Variants in KHDRBS2 observed in about 807,000 individuals in gnomAD.
KHDRBS2 encodes the protein KH RNA binding domain containing, signal transduction associated 2.
In KHDRBS2, 26 loss-of-function variants were observed where a neutral mutation model predicts 44.3. The observed-to-expected ratio is 0.59, with a 90% confidence interval of 0.43 to 0.81. The LOEUF is 0.81. KHDRBS2 is among the 40% of genes least tolerant of loss of function. The pLI is 0.00. For synonymous variants in KHDRBS2, 194 were observed against 151.1 expected, an observed-to-expected ratio of 1.28 and a Z score of -2.08; for missense variants, 476 against 433.1, an observed-to-expected ratio of 1.10 and a Z score of -0.88.
At chr6:61,925,014 T>C (rs1311908269) in intron 4 of KHDRBS2, among the ~76,000 whole-genome samples, 1 of 152,176 alleles carries the variant, frequency 6.6e-6, no homozygotes. Flanking sequence ...TTAATACTAA[T>C]GTTAAGCCAT....
At chr6:61,772,339 T>G (rs1562138954) in intron 6 of KHDRBS2, among the ~76,000 whole-genome samples, 2 of 151,786 alleles carry the variant, frequency 1.3e-5, no homozygotes, top group Non-Finnish European at 2.9e-5. Context: ...CTGAAGGAAA[T>G]AGAGACACAA....
Position 61,720,695 on chromosome 6 carries a change from T to A in KHDRBS2, c.893+11987A>T, listed in dbSNP as rs149430373. 8.4e-3 allele frequency among the ~76,000 whole-genome samples: 1,279 copies of A among 152,266 alleles called. 16 individuals carry two copies. Among genetic ancestry groups the A allele is most frequent in the African/African-American group, 0.029 (1,221 of 41,542 alleles). Reference sequence around the variant, plus strand: ...GGATATTAGCCCTTTGTTAGACGAGTAGGTTGCGAAAATTTTCTCCCATTT... The same window carrying A: ...GGATATTAGCCCTTTGTTAGACGAGAAGGTTGCGAAAATTTTCTCCCATTT... On this transcript the variant is annotated intron_variant, in intron 7 of 8. Transcript: ENST00000281156.
At chr6:62,052,743 A>G (rs1789363570) in intron 2 of KHDRBS2, among the ~76,000 whole-genome samples, 1 of 152,032 alleles carries the variant, frequency 6.6e-6, no homozygotes, top group Non-Finnish European at 1.5e-5. Context: ...GCAGTTCACA[A>G]TAGGGTTCCA....
At chr6:61,942,743 T>C (rs1161530816) in intron 4 of KHDRBS2, among the ~76,000 whole-genome samples, 4 of 152,062 alleles carry the variant, frequency 2.6e-5, no homozygotes, top group African/African-American at 9.7e-5. Flanking sequence ...CCCAGAAATG[T>C]ATAAAGAGGT....
chr6:61,571,148 A>G, the KHDRBS2 span, among the ~76,000 whole-genome samples: 1 of 152,104 alleles, frequency 6.6e-6, no homozygotes, highest in Non-Finnish European at 1.5e-5. Flanking sequence ...AAAATCCATC[A>G]ACCAAGTACC....
the KHDRBS2 span, among the ~76,000 whole-genome samples, chr6:61,664,134 T>G: frequency 6.6e-6 from 1 of 151,846 alleles, no homozygotes; most frequent in Non-Finnish European, 1.5e-5. Flanking sequence ...CCACACTTAC[T>G]GATCTTTCTA....
At chr6:62,193,435 C>G (rs1023477183) in intron 1 of KHDRBS2, among the ~76,000 whole-genome samples, 12 of 151,996 alleles carry the variant, frequency 7.9e-5, no homozygotes, top group Admixed American at 7.9e-4. Context: ...TCATATAAAA[C>G]GATGAAACCA....
chr6:61,675,415 G>C (rs1391629573), downstream of KHDRBS2, among the ~76,000 whole-genome samples: 4 of 151,064 alleles, frequency 2.6e-5, no homozygotes, highest in Admixed American at 2.6e-4. Flanking sequence ...TATACTAAAA[G>C]TGAAAATTAT....
downstream of KHDRBS2, among the ~76,000 whole-genome samples, chr6:61,676,987 A>T (rs199773457): frequency 6.6e-6 from 1 of 151,888 alleles, no homozygotes; most frequent in East Asian, 1.9e-4. Context: ...CGTTACTCAA[A>T]ATGAAGTTAT....
At chr6:61,568,075 A>T in the KHDRBS2 span, among the ~76,000 whole-genome samples, 1 of 151,940 alleles carries the variant, frequency 6.6e-6, no homozygotes, top group East Asian at 1.9e-4. Flanking sequence ...AATTTTTCCA[A>T]GCACTATTTA....
intron 1 of KHDRBS2, among the ~76,000 whole-genome samples, chr6:62,178,441 G>A (rs1821588955): frequency 6.6e-6 from 1 of 151,550 alleles, no homozygotes; most frequent in Non-Finnish European, 1.5e-5. Flanking sequence ...GCAATGGTAA[G>A]CCTCTGGATC....
intron 4 of KHDRBS2, among the ~76,000 whole-genome samples, chr6:61,913,925 G>A (rs1177571200): frequency 6.6e-6 from 1 of 152,124 alleles, no homozygotes; most frequent in Admixed American, 6.6e-5. Context: ...GGGTGTAAAT[G>A]ATATTAGGTC....
intron 2 of KHDRBS2, among the ~76,000 whole-genome samples, chr6:62,053,717 A>G (rs1372656571): frequency 2.0e-5 from 3 of 151,992 alleles, no homozygotes; most frequent in Non-Finnish European, 4.4e-5. Context: ...CATTCTTGAC[A>G]CTTTATTCAG....
chr6:61,789,130 T>C (rs550634229), intron 6 of KHDRBS2, among the ~76,000 whole-genome samples: 3 of 151,472 alleles, frequency 2.0e-5, no homozygotes, highest in Admixed American at 1.3e-4. Context: ...CATCTAATAA[T>C]CTTCAAAATA....
chr6:61,737,503 A>C (rs966568047), intron 6 of KHDRBS2, among the ~76,000 whole-genome samples: 2 of 152,156 alleles, frequency 1.3e-5, no homozygotes, highest in Admixed American at 6.6e-5. Context: ...AATGAAAAGC[A>C]TAACAACGTT....
chr6:62,148,427 C>T (rs921294150), intron 2 of KHDRBS2, among the ~76,000 whole-genome samples: 1 of 151,862 alleles, frequency 6.6e-6, no homozygotes, highest in African/African-American at 2.4e-5. Flanking sequence ...ATTGAATGAA[C>T]AGATAGAGTA....
At chr6:61,988,213 A>G (rs1775435138) in intron 3 of KHDRBS2, among the ~76,000 whole-genome samples, 1 of 152,190 alleles carries the variant, frequency 6.6e-6, no homozygotes, top group Non-Finnish European at 1.5e-5. Context: ...ACAGTGAAAG[A>G]GTGTCTTGAT....
intron 2 of KHDRBS2, among the ~76,000 whole-genome samples, chr6:62,063,795 G>C (rs1248140336): frequency 7.7e-6 from 1 of 130,240 alleles, no homozygotes; most frequent in Non-Finnish European, 1.6e-5. Flanking sequence ...TTAGGCAGGA[G>C]AAGGAAATAA....
chr6:62,108,182 C>T (rs886865589), intron 2 of KHDRBS2, among the ~76,000 whole-genome samples: 31 of 152,042 alleles, frequency 2.0e-4, no homozygotes, highest in Admixed American at 7.9e-4. Flanking sequence ...AGAAAATTTT[C>T]GCAACCTACT....
Sources: allele counts gnomAD v4.1 joint callset (sites outside exome capture counted in the v4.1 genomes callset), GRCh38; gene constraint gnomAD v4.1.1; transcripts MANE v1.5; gene names NCBI Gene and HGNC (gene_info 2026-07-23, HGNC 2026-07-21).